Variants in KMT2C observed in about 807,000 individuals in gnomAD.
The protein encoded by KMT2C is lysine methyltransferase 2C.
KMT2C carries 88 observed loss-of-function variants against 507.9 expected under a neutral mutation model. That is an observed-to-expected ratio of 0.17 (90% CI 0.15 to 0.21). KMT2C has a LOEUF of 0.21. KMT2C is among the 10% of genes least tolerant of loss of function. KMT2C has a pLI of 1.00. For synonymous variants in KMT2C, 2,049 were observed against 2,080.8 expected (o/e 0.98, Z 0.42); for missense variants, 4,954 against 5,957.8 (o/e 0.83, Z 5.55).
intron 6 of KMT2C, among the ~76,000 whole-genome samples, chr7:152,296,203 C>T (rs1056372943): frequency 2.7e-5 from 4 of 150,556 alleles, no homozygotes. Context: ...CTGAGGCGGG[C>T]GGGTCACCTG....
chr7:152,169,326 A>G (rs2092859936), intron 40 of KMT2C, 77 bp from the exon 41 acceptor site: 9 of 790,816 alleles, frequency 1.1e-5, no homozygotes, highest in Admixed American at 2.3e-5. Flanking sequence ...AAAGAAAGAA[A>G]GAAAAAAAGA....
intron 26 of KMT2C, among the ~76,000 whole-genome samples, chr7:152,201,617 G>GAAAAAAAACAAAAAAAAAAAAAAAAAAAA (rs2094144876): frequency 4.4e-5 from 1 of 22,874 alleles, no homozygotes; most frequent in African/African-American, 8.2e-5. Flanking sequence ...CAACAAAGAT[G>GAAAAAAAACAAAAAAAAAAAAAAAAAAAA]AAAAAAAAAA....
chr7:152,364,343 C>G (rs1309353006), intron 1 of KMT2C, among the ~76,000 whole-genome samples: 2 of 152,196 alleles, frequency 1.3e-5, no homozygotes, highest in African/African-American at 2.4e-5. Flanking sequence ...TGTGGTGGCT[C>G]ACGCCTCTAA....
chr7:152,384,548 ACACCACCACCACCACCACCACCACCAC>A (rs71198780), intron 1 of KMT2C, among the ~76,000 whole-genome samples: 100 of 62,230 alleles, frequency 1.6e-3, no homozygotes, highest in Admixed American at 2.8e-3. Context: ...CATGTGCATA[ACACCACCACCACCACCACCACCACCAC>A]CACCACCACC....
intron 1 of KMT2C, among the ~76,000 whole-genome samples, chr7:152,411,897 T>A (rs2097688558): frequency 6.6e-6 from 1 of 152,276 alleles, no homozygotes; most frequent in Non-Finnish European, 1.5e-5. Context: ...CAATCTACTA[T>A]CTCTGGCCAG....
At chr7:152,250,421 T>C (rs1467722929) in intron 12 of KMT2C, among the ~76,000 whole-genome samples, 1 of 152,156 alleles carries the variant, frequency 6.6e-6, no homozygotes, top group Non-Finnish European at 1.5e-5. Flanking sequence ...AGTACAATAA[T>C]AGCTCTTATC....
In KMT2C at chr7:152,315,241, A is replaced by G; in HGVS notation, c.487T>C (p.Trp163Arg). 1 of 1,614,014 alleles carries G rather than the reference A, an allele frequency of 6.2e-7. No individual in the cohort carries two copies. The highest frequency in any genetic ancestry group is 8.5e-7 in the Non-Finnish European group (1 of 1,179,934). The change falls in exon 4 of 59, where the codon TGG (tryptophan) becomes CGG (arginine). Residue 163 changes from tryptophan to arginine, a missense_variant. Physicochemically the swap from Trp to Arg is moderately radical, Grantham distance 101. This residue lies in a region of KMT2C where 233 missense variants were observed against 263.6 expected (regional missense o/e 0.88). Transcript: ENST00000262189. ...FRITPGFILP[W>R]RNQPSNKKDI... is the part of the protein sequence containing the mutation. Reference sequence around the variant, plus strand: ...TTCTTGTTAGAAGGTTGGTTTCTCCATGGCAAGATAAATCCAGGCGTTATT... The same window carrying G: ...TTCTTGTTAGAAGGTTGGTTTCTCCGTGGCAAGATAAATCCAGGCGTTATT...
chr7:152,141,712 C>CAAAAAAA (rs1249621681), intron 55 of KMT2C, among the ~76,000 whole-genome samples: 5 of 61,880 alleles, frequency 8.1e-5, no homozygotes, highest in African/African-American at 2.9e-4. Context: ...GACTCTGTCT[C>CAAAAAAA]AAAAAAAAAA....
intron 13 of KMT2C, among the ~76,000 whole-genome samples, chr7:152,248,926 T>C (rs2095518758): frequency 1.3e-5 from 2 of 152,190 alleles, no homozygotes; most frequent in South Asian, 2.1e-4. Context: ...AATCATGTTA[T>C]GTGAGGTACC....
Position 152,174,261 on chromosome 7 carries a change from G to T in KMT2C, c.9263-19C>A. The T allele has an allele frequency of 7.7e-7, 1 of 1,301,160 alleles. No homozygotes were observed. Among genetic ancestry groups the T allele is most frequent in the Non-Finnish European group, 1.1e-6 (1 of 905,022 alleles). The allele number at this position is 1,301,160 out of a possible 1,614,324, so 80.6% of individuals were successfully genotyped here. ...TCAAAATCTAGAAAAGAAATATAAA[G>T]TTACTTATTTCATAGTAATTAGTTC... On this transcript the variant is annotated intron_variant, in intron 38 of 58. Transcript: ENST00000262189.
At chr7:152,398,430 G>T (rs982420021) in intron 1 of KMT2C, among the ~76,000 whole-genome samples, 2 of 152,168 alleles carry the variant, frequency 1.3e-5, no homozygotes, top group African/African-American at 4.8e-5. Flanking sequence ...TCATAAAAAT[G>T]GATATAAGTA....
chr7:152,412,265 G>A (rs1807595), intron 1 of KMT2C, among the ~76,000 whole-genome samples: 12 of 151,408 alleles, frequency 7.9e-5, no homozygotes, highest in African/African-American at 2.7e-4. Flanking sequence ...GCCGGGCATC[G>A]TGGCAGGAAC....
intron 6 of KMT2C, among the ~76,000 whole-genome samples, chr7:152,280,225 A>G (rs1588861998): frequency 6.6e-6 from 1 of 152,110 alleles, no homozygotes; most frequent in South Asian, 2.1e-4. Context: ...ACTGAGAGTG[A>G]CCCAAGCCAA....
intron 24 of KMT2C, among the ~76,000 whole-genome samples, 170 bp from the exon 25 acceptor site, chr7:152,205,395 C>CA (rs35077313): frequency 0.13 from 7,696 of 57,086 alleles, 324 homozygotes; most frequent in African/African-American, 0.22. Context: ...TAAAAACGAC[C>CA]AAAAAAAAAA....
chr7:152,280,361 T>C (rs2096183087), intron 6 of KMT2C, among the ~76,000 whole-genome samples: 2 of 150,938 alleles, frequency 1.3e-5, no homozygotes, highest in South Asian at 4.2e-4. Context: ...GCTAACACGG[T>C]AAAACCCCGT....
chr7:152,355,305 G>A (rs1237614841), intron 2 of KMT2C, among the ~76,000 whole-genome samples: 2 of 152,080 alleles, frequency 1.3e-5, no homozygotes, highest in Admixed American at 1.3e-4. Flanking sequence ...TTTCCAGAGA[G>A]GACACACTAA....
intron 1 of KMT2C, among the ~76,000 whole-genome samples, chr7:152,389,856 T>A (rs1191402509): frequency 6.6e-6 from 1 of 152,116 alleles, no homozygotes; most frequent in East Asian, 1.9e-4. Flanking sequence ...AAGGTAAAAA[T>A]ATACAGCCAT....
At chr7:152,315,011 T>C in intron 4 of KMT2C, 127 bp downstream of exon 4, 1 of 745,096 alleles carries the variant, frequency 1.3e-6, no homozygotes, top group South Asian at 2.0e-5. Flanking sequence ...GAGTATCCCA[T>C]AAATGTGGAG....
intron 55 of KMT2C, among the ~76,000 whole-genome samples, chr7:152,142,738 A>G (rs1224988322): frequency 2.0e-5 from 3 of 152,252 alleles, no homozygotes; most frequent in Non-Finnish European, 4.4e-5. Context: ...ATGGAACATC[A>G]GGTAACCATT....
Sources: gnomAD v4.1 joint callset for allele counts (sites outside exome capture counted in the v4.1 genomes callset) on GRCh38, gnomAD v4.1.1 for gene constraint, gnomAD v4.1.1 regional missense constraint, MANE v1.5 for transcripts, NCBI Gene and HGNC (gene_info 2026-07-23, HGNC 2026-07-21) for gene names.